Variants in TMEM164 observed in about 807,000 individuals in gnomAD.
The protein encoded by TMEM164 is RP13-360B22.2.
In TMEM164, 4 loss-of-function variants were observed where a neutral mutation model predicts 18.8. The observed-to-expected ratio is 0.21, with a 90% CI of 0.10 to 0.49. TMEM164 has a LOEUF of 0.49. Among genes scored for constraint, TMEM164 ranks in the 20% least tolerant of loss-of-function variants. TMEM164 has a pLI of 0.98. For missense variants in TMEM164, 108 were observed against 239.9 expected, an observed-to-expected ratio of 0.45 and a Z score of 3.63; for synonymous variants, 86 against 101.7, an observed-to-expected ratio of 0.85 and a Z score of 0.93.
At chrX:110,049,730 T>A (rs763211056) in intron 2 of TMEM164, among the ~76,000 whole-genome samples, 3 of 111,704 alleles carry the variant, frequency 2.7e-5, no homozygotes, top group Non-Finnish European at 5.7e-5. Flanking sequence ...GAAATATCTG[T>A]AGACCCCTGG....
At chrX:110,171,798 A>C (rs2067234652) in intron 6 of TMEM164, among the ~76,000 whole-genome samples, 2 of 112,059 alleles carry the variant, frequency 1.8e-5, no homozygotes, top group South Asian at 7.4e-4. Context: ...AATGAGCTGC[A>C]ACTGGAAAGT....
intron 3 of TMEM164, among the ~76,000 whole-genome samples, chrX:110,069,658 A>G (rs2065555871): frequency 9.3e-6 from 1 of 107,804 alleles, no homozygotes; most frequent in Non-Finnish European, 1.9e-5. Context: ...ACCTCAAGTC[A>G]TCTGCCCGCC....
chrX:110,128,283 A>C (rs1436029867), intron 4 of TMEM164, among the ~76,000 whole-genome samples: 1 of 111,926 alleles, frequency 8.9e-6, no homozygotes, highest in Non-Finnish European at 1.9e-5. Context: ...AAAAGAGCCT[A>C]CTTCTCAGCA....
chrX:110,022,476 C>A (rs759781929), intron 2 of TMEM164, among the ~76,000 whole-genome samples: 1 of 111,395 alleles, frequency 9.0e-6, no homozygotes, highest in East Asian at 2.8e-4. Context: ...CCCTTTTGAG[C>A]AGAGTGCCTG....
chrX:110,120,149 A>T (rs1381847063), intron 4 of TMEM164, among the ~76,000 whole-genome samples: 1 of 112,166 alleles, frequency 8.9e-6, no homozygotes, highest in Non-Finnish European at 1.9e-5. Context: ...CCTTCAGCCC[A>T]TTTAGGGAGT....
At chrX:110,150,260 C>A (rs1240782851) in intron 5 of TMEM164, among the ~76,000 whole-genome samples, 1 of 111,534 alleles carries the variant, frequency 9.0e-6, no homozygotes, top group African/African-American at 3.3e-5. Context: ...GGGGAGGTGA[C>A]TTCTTGTAGA....
downstream of TMEM164, chrX:110,182,378 G>A (rs1170224175): frequency 1.8e-5 from 2 of 111,831 alleles, no homozygotes; most frequent in Admixed American, 9.5e-5. Flanking sequence ...TCTCTCTTGG[G>A]ACAGATGGTT....
intron 2 of TMEM164, among the ~76,000 whole-genome samples, chrX:110,053,286 C>T (rs2147812825): frequency 9.0e-6 from 1 of 111,456 alleles, no homozygotes; most frequent in East Asian, 2.8e-4. Context: ...GACAGGGTGC[C>T]GTAGAAGACC....
chrX:110,096,312 C>T (rs1569326558), intron 3 of TMEM164, among the ~76,000 whole-genome samples: 1 of 112,920 alleles, frequency 8.9e-6, no homozygotes, highest in Non-Finnish European at 1.9e-5. Flanking sequence ...AGGCAGGCCT[C>T]CTTCAGCTGC....
At chrX:110,164,928 A>G (rs1158090280) in intron 5 of TMEM164, among the ~76,000 whole-genome samples, 1 of 112,532 alleles carries the variant, frequency 8.9e-6, no homozygotes, top group African/African-American at 3.2e-5. Flanking sequence ...GGGTGAAGGG[A>G]ACATTCAGAG....
At chrX:110,167,855 C>G (rs61148314) in intron 5 of TMEM164, among the ~76,000 whole-genome samples, 12,335 of 111,203 alleles carry the variant, frequency 0.11, 1,654 homozygotes, top group African/African-American at 0.39. Context: ...CTACTAAAGT[C>G]GGGGTTTGGG....
chrX:110,147,295 A>T (rs2066870747), intron 5 of TMEM164, among the ~76,000 whole-genome samples: 1 of 111,764 alleles, frequency 8.9e-6, no homozygotes, highest in African/African-American at 3.3e-5. Flanking sequence ...TTTAAATTTA[A>T]TTTTTATTAG....
chrX:110,118,701 C>T (rs937124967), intron 4 of TMEM164, among the ~76,000 whole-genome samples: 1 of 111,095 alleles, frequency 9.0e-6, no homozygotes, highest in African/African-American at 3.3e-5. Flanking sequence ...TGCCAAAGTA[C>T]CACCTCACTT....
chrX:110,178,356 A>T (rs2148151081), downstream of TMEM164, among the ~76,000 whole-genome samples: 1 of 111,819 alleles, frequency 8.9e-6, no homozygotes, highest in East Asian at 2.8e-4. Flanking sequence ...CCAGATAGGG[A>T]GGGGTAGCAG....
chrX:110,005,890 A>G (rs1932675052), intron 2 of TMEM164, among the ~76,000 whole-genome samples: 1 of 111,624 alleles, frequency 9.0e-6, no homozygotes, highest in African/African-American at 3.3e-5. Flanking sequence ...GCCTCTGGCA[A>G]TCACATATCT....
At chrX:110,149,441 T>G (rs907225676) in intron 5 of TMEM164, among the ~76,000 whole-genome samples, 4 of 112,200 alleles carry the variant, frequency 3.6e-5, no homozygotes, top group African/African-American at 1.3e-4. Context: ...TACGGAATGC[T>G]GTTGCATTGG....
chrX:110,015,729 T>C (rs1315251346), intron 2 of TMEM164, among the ~76,000 whole-genome samples: 2 of 111,631 alleles, frequency 1.8e-5, no homozygotes, highest in African/African-American at 6.5e-5. Context: ...TTTCTACCTA[T>C]TTCCTGGAGC....
chrX:110,067,228 TTTATA>T, intron 2 of TMEM164, 114 bp from the exon 3 acceptor site: 1 of 731,131 alleles, frequency 1.4e-6, no homozygotes, highest in Non-Finnish European at 2.1e-6. Context: ...TTTAAAAATT[TTTATA>T]TTACATTATT....
Position 110,123,770 on chromosome X carries a change from G to T in TMEM164, c.507+14624G>T, listed in dbSNP as rs962395799. ...AGGAGGAAGGATCACTTGAGCCGAA[G>T]TGTTGAGACCAGCCTGGGCAACAAA... On this transcript the variant is annotated intron_variant, in intron 4 of 6. Coordinates refer to ENST00000372068, the MANE Select transcript of TMEM164 (RefSeq NM_032227.4). 4.5e-5 allele frequency among the ~76,000 whole-genome samples: 5 copies of T among 111,568 alleles called. No homozygotes were observed. The East Asian group carries it at 1.4e-3, about 31-fold the overall frequency.
Sources: gnomAD v4.1 joint callset for allele counts (sites outside exome capture counted in the v4.1 genomes callset) on GRCh38, gnomAD v4.1.1 for gene constraint, MANE v1.5 for transcripts, NCBI Gene and HGNC (gene_info 2026-07-23, HGNC 2026-07-21) for gene names.